PIP4K2A: variants seen among roughly 807,000 people sequenced by gnomAD.
PIP4K2A encodes phosphatidylinositol 5-phosphate 4-kinase type-2 alpha.
In PIP4K2A, 14 loss-of-function variants were observed where a neutral mutation model predicts 42.9. The observed-to-expected ratio is 0.33, with a 90% CI of 0.22 to 0.51. The LOEUF is 0.51. Ranked by LOEUF, PIP4K2A falls within the 20% of genes least tolerant of loss-of-function variation. PIP4K2A has a pLI of 0.97. For missense variants in PIP4K2A, 434 were observed against 519.8 expected (o/e 0.83, Z 1.61); for synonymous variants, 192 against 192.2 (o/e 1.00, Z 0.01).
intron 1 of PIP4K2A, among the ~76,000 whole-genome samples, chr10:22,654,544 A>G (rs1327340193): frequency 1.3e-5 from 2 of 152,234 alleles, no homozygotes; most frequent in Non-Finnish European, 2.9e-5. Flanking sequence ...AAAGGGGTTA[A>G]TAAGACCAAA....
At position 22,693,712 on chromosome 10, in the gene PIP4K2A, C is replaced by G. The variant is rs181959908; in HGVS notation, c.144+20471G>C. Among the ~76,000 whole-genome samples the G allele has an allele frequency of 4.1e-4, 62 of 152,234 alleles. 1 individual carries two copies. Among genetic ancestry groups the G allele is most frequent in the African/African-American group, 1.2e-3 (50 of 41,536 alleles). ...AGATGACCTTAACACACACACCCAG[C>G]CTGGTGCTGCGTTGGGAGACATAAT... On this transcript the variant is annotated intron_variant, in intron 1 of 9. Transcript: ENST00000376573.
At chr10:22,555,792 C>T (rs958777519) in intron 6 of PIP4K2A, among the ~76,000 whole-genome samples, 4 of 151,404 alleles carry the variant, frequency 2.6e-5, no homozygotes, top group Non-Finnish European at 5.9e-5. Context: ...TGTCGGTAAT[C>T]TAAACCTGGG....
chr10:22,653,119 C>T (rs547297151), intron 1 of PIP4K2A, among the ~76,000 whole-genome samples: 1 of 152,202 alleles, frequency 6.6e-6, no homozygotes, highest in Admixed American at 6.5e-5. Flanking sequence ...GAGAAAGGAC[C>T]ACCCCCGGGG....
At chr10:22,664,252 T>C (rs3082660) in intron 1 of PIP4K2A, among the ~76,000 whole-genome samples, 7,712 of 98,904 alleles carry the variant, frequency 0.078, 371 homozygotes, top group Middle Eastern at 0.12. Context: ...CACACACACA[T>C]ATATATATAC....
intron 4 of PIP4K2A, among the ~76,000 whole-genome samples, chr10:22,589,781 G>A (rs1166377694): frequency 6.6e-6 from 1 of 152,196 alleles, no homozygotes; most frequent in Non-Finnish European, 1.5e-5. Flanking sequence ...GTTTATACTC[G>A]AGAATCCTTT....
intron 6 of PIP4K2A, 56 bp downstream of exon 6, chr10:22,567,795 T>C: frequency 7.2e-7 from 1 of 1,381,810 alleles, no homozygotes; most frequent in Non-Finnish European, 1.0e-6. Context: ...TAAAGGTGAT[T>C]GGGAGTATGT....
chr10:22,565,014 C>G (rs2130783826), intron 6 of PIP4K2A, among the ~76,000 whole-genome samples: 1 of 152,310 alleles, frequency 6.6e-6, no homozygotes, highest in Middle Eastern at 3.4e-3. Context: ...CGAAGCAGTT[C>G]TTACAATGCT....
At chr10:22,571,385 T>A (rs1836984148) in intron 5 of PIP4K2A, among the ~76,000 whole-genome samples, 1 of 152,332 alleles carries the variant, frequency 6.6e-6, no homozygotes, top group Non-Finnish European at 1.5e-5. Flanking sequence ...AACTGATTTT[T>A]AAAAAACTTA....
intron 6 of PIP4K2A, among the ~76,000 whole-genome samples, chr10:22,563,942 GGAATGATGGCTACGTGTTCAT>G (rs1452995304): frequency 1.3e-5 from 2 of 152,162 alleles, no homozygotes; most frequent in Non-Finnish European, 2.9e-5. Context: ...GATGTTTGAA[GGAATGATGGCTACGTGTTCAT>G]ATTAGATACA....
chr10:22,550,719 C>A lies in PIP4K2A; in HGVS notation c.732G>T (p.Lys244Asn). Reference sequence around the variant, plus strand: ...TCTTGTTGTTGTCATCAATATAAATCTTTTGGCCCTCATTAATGAAATCAT... The same window carrying A: ...TCTTGTTGTTGTCATCAATATAAATATTTTGGCCCTCATTAATGAAATCAT... ...KDNDFINEGQKIYIDDNNKKV... is the reference protein window; with the variant it reads ...KDNDFINEGQNIYIDDNNKKV... The change falls in exon 7 of 10, where the codon AAG (lysine) becomes AAT (asparagine). Residue 244 changes from lysine (K) to asparagine (N), a missense_variant. By Grantham distance (94) the Lys-to-Asn change is moderately conservative (BLOSUM62 0). This residue lies in a region of PIP4K2A where 395 missense variants were observed against 444.5 expected (regional missense o/e 0.89). Transcript: ENST00000376573. The A allele has an allele frequency of 6.2e-7, 1 of 1,609,186 alleles. No homozygotes were observed. Among genetic ancestry groups the A allele is most frequent in the Non-Finnish European group, 8.5e-7 (1 of 1,175,442 alleles).
chr10:22,642,177 A>T (rs1469062594), intron 1 of PIP4K2A: 1 of 152,142 alleles, frequency 6.6e-6, no homozygotes, highest in Non-Finnish European at 1.5e-5. Context: ...CTTGCTCCAC[A>T]TCCTAGCTCG....
At chr10:22,618,792 C>T (rs557431579) in intron 1 of PIP4K2A, among the ~76,000 whole-genome samples, 1 of 152,166 alleles carries the variant, frequency 6.6e-6, no homozygotes, top group African/African-American at 2.4e-5. Flanking sequence ...CAGAATTACC[C>T]ACATTAGGTG....
At chr10:22,619,251 G>A (rs989273945) in intron 1 of PIP4K2A, among the ~76,000 whole-genome samples, 3 of 152,054 alleles carry the variant, frequency 2.0e-5, no homozygotes, top group Non-Finnish European at 4.4e-5. Flanking sequence ...AACCTACCCT[G>A]CAAACCAAAT....
At chr10:22,565,519 T>A (rs1308251869) in intron 6 of PIP4K2A, among the ~76,000 whole-genome samples, 1 of 152,220 alleles carries the variant, frequency 6.6e-6, no homozygotes, top group Non-Finnish European at 1.5e-5. Flanking sequence ...TTTACTTTAA[T>A]CTCTTAATCC....
rs903852994 is a variant in PIP4K2A at position 22,563,479 on chromosome 10, GA to G, written c.678+4371del. On this transcript the variant is annotated intron_variant, in intron 6 of 9. Transcript: ENST00000376573. ...ACAAATAATTTATTTCACTACTTTA[GA>G]AAAAAAATCAAGTTTTAGAATCAAC... Among the ~76,000 whole-genome samples, 26 of 152,058 alleles carry G rather than the reference GA, an allele frequency of 1.7e-4. No homozygotes were observed. The Middle Eastern group carries it at 0.017, about 99-fold the overall frequency.
intron 1 of PIP4K2A, among the ~76,000 whole-genome samples, chr10:22,620,861 G>A (rs1209309025): frequency 6.6e-6 from 1 of 152,220 alleles, no homozygotes; most frequent in Admixed American, 6.5e-5. Context: ...ACTTTCCAGA[G>A]ATCCACTTAA....
chr10:22,690,783 G>T (rs1839852854), intron 1 of PIP4K2A, among the ~76,000 whole-genome samples: 1 of 152,216 alleles, frequency 6.6e-6, no homozygotes, highest in South Asian at 2.1e-4. Context: ...GCTAGAATCT[G>T]AAATAGTCTG....
At chr10:22,599,504 G>A (rs1028319112) in intron 3 of PIP4K2A, among the ~76,000 whole-genome samples, 4 of 152,214 alleles carry the variant, frequency 2.6e-5, no homozygotes, top group South Asian at 4.1e-4. Context: ...GATGAGTGAG[G>A]TGACCTGGCA....
At chr10:22,549,351 CTT>C (rs74261081) in intron 7 of PIP4K2A, among the ~76,000 whole-genome samples, 17 of 141,712 alleles carry the variant, frequency 1.2e-4, no homozygotes, top group Admixed American at 2.8e-4. Context: ...TTTTCTTTTT[CTT>C]TTTTTTTTTT....
Sources: gnomAD v4.1 joint callset for allele counts (sites outside exome capture counted in the v4.1 genomes callset) on GRCh38, gnomAD v4.1.1 for gene constraint, gnomAD v4.1.1 regional missense constraint, MANE v1.5 for transcripts, NCBI Gene and HGNC (gene_info 2026-07-23, HGNC 2026-07-21) for gene names.